Variants in VWC2L observed in about 807,000 individuals in gnomAD.
The protein encoded by VWC2L is von Willebrand factor C domain containing 2 like.
VWC2L carries 10 observed loss-of-function variants against 21.6 expected under a neutral mutation model. The observed-to-expected ratio is 0.46, with a 90% CI of 0.29 to 0.78. The LOEUF is 0.78. VWC2L is among the 30% of genes least tolerant of loss of function. The pLI is 0.10. For synonymous variants in VWC2L, 96 were observed against 94.3 expected, an observed-to-expected ratio of 1.02 and a Z score of -0.10; for missense variants, 209 against 277.1, an observed-to-expected ratio of 0.75 and a Z score of 1.74.
chr2:214,515,239 G>A (rs375896888), intron 3 of VWC2L, among the ~76,000 whole-genome samples: 1 of 152,138 alleles, frequency 6.6e-6, no homozygotes, highest in African/African-American at 2.4e-5. Context: ...GAACAACCTC[G>A]AACATCCCTG....
chr2:214,437,410 T>A (rs1005130935), intron 3 of VWC2L, among the ~76,000 whole-genome samples: 2 of 152,078 alleles, frequency 1.3e-5, no homozygotes, highest in Admixed American at 6.6e-5. Flanking sequence ...AATATCCTAA[T>A]CACCCAAAAT....
intron 3 of VWC2L, among the ~76,000 whole-genome samples, chr2:214,464,135 T>A (rs1574578975): frequency 6.6e-6 from 1 of 152,288 alleles, no homozygotes; most frequent in Non-Finnish European, 1.5e-5. Context: ...TCTTTATCAC[T>A]CTGAGATTGG....
At chr2:214,509,902 C>A (rs1689027618) in intron 3 of VWC2L, among the ~76,000 whole-genome samples, 1 of 152,064 alleles carries the variant, frequency 6.6e-6, no homozygotes. Context: ...TTGAAGGAAA[C>A]AAACAAGTTT....
chr2:214,460,080 G>C, intron 3 of VWC2L, among the ~76,000 whole-genome samples: 2 of 151,704 alleles, frequency 1.3e-5, no homozygotes, highest in Middle Eastern at 6.9e-3. Flanking sequence ...GCTAATTTTT[G>C]TATTTTTAGT....
chr2:214,459,966 G>GGT (rs1375139623), intron 3 of VWC2L, among the ~76,000 whole-genome samples: 1 of 125,842 alleles, frequency 7.9e-6, no homozygotes, highest in Non-Finnish European at 1.5e-5. Context: ...GGAGTGCAAT[G>GGT]GTGTGATCTC....
chr2:214,435,051 G>A (rs551814066), intron 2 of VWC2L, among the ~76,000 whole-genome samples: 1 of 152,294 alleles, frequency 6.6e-6, no homozygotes, highest in South Asian at 2.1e-4. Context: ...ATTAACCAAG[G>A]AAAGGGGAAA....
In VWC2L at chr2:214,442,126, G is replaced by A. The variant is rs539901983; in HGVS notation, c.520+5368G>A. On this transcript the variant is annotated intron_variant, in intron 3 of 3. Transcript: ENST00000312504. ...GGGGTTTCACTGTGTTGGCCAGACT[G>A]GTCTCGAACTCCTGACATTGTGATC... Among the ~76,000 whole-genome samples, 280 of 152,122 alleles carry A rather than the reference G, an allele frequency of 1.8e-3. 2 individuals are homozygous for A. Among genetic ancestry groups the A allele is most frequent in the African/African-American group, 6.6e-3 (273 of 41,528 alleles).
chr2:214,528,930 T>A (rs1689387566), intron 3 of VWC2L, among the ~76,000 whole-genome samples: 1 of 152,190 alleles, frequency 6.6e-6, no homozygotes, highest in Non-Finnish European at 1.5e-5. Context: ...CTATTTCACT[T>A]CCACTATATG....
At chr2:214,456,704 G>A (rs1456631357) in intron 3 of VWC2L, among the ~76,000 whole-genome samples, 20 of 152,046 alleles carry the variant, frequency 1.3e-4, no homozygotes, top group Admixed American at 1.3e-3. Flanking sequence ...TAGTTTTATA[G>A]TTTGGGGTCT....
At chr2:214,522,332 G>A (rs1314604426) in intron 3 of VWC2L, among the ~76,000 whole-genome samples, 7 of 135,814 alleles carry the variant, frequency 5.2e-5, no homozygotes, top group Non-Finnish European at 9.1e-5. Flanking sequence ...CCGAGATCGC[G>A]CCACTGCACT....
chr2:214,525,075 A>G (rs1483930993), intron 3 of VWC2L: 1 of 72,438 alleles, frequency 1.4e-5, no homozygotes, highest in African/African-American at 3.2e-5. Context: ...ACACACACAC[A>G]CACATACACT....
At chr2:214,424,359 A>G (rs1702490982) in intron 2 of VWC2L, among the ~76,000 whole-genome samples, 1 of 152,150 alleles carries the variant, frequency 6.6e-6, no homozygotes, top group African/African-American at 2.4e-5. Context: ...AGACTACTTG[A>G]GCATACTGAA....
At chr2:214,546,494 T>C (rs1345167349) in intron 3 of VWC2L, among the ~76,000 whole-genome samples, 2 of 152,178 alleles carry the variant, frequency 1.3e-5, no homozygotes, top group Non-Finnish European at 1.5e-5. Flanking sequence ...ATATTGCACT[T>C]CTATGCAGCA....
rs956876777 is a variant in VWC2L, at chr2:214,540,249, C to T, written c.521-35423C>T. On this transcript the variant is annotated intron_variant, in intron 3 of 3. Coordinates refer to ENST00000312504, the MANE Select transcript of VWC2L (RefSeq NM_001080500.4). ...ACCATTAAAAATATTTAACTTTTAT[C>T]GAGTATTTTATGGAATCTTCATGTG... Among the ~76,000 whole-genome samples, 19 of 152,056 alleles carry T rather than the reference C, an allele frequency of 1.2e-4. 1 individual carries two copies. Among genetic ancestry groups the T allele is most frequent in the African/African-American group, 4.1e-4 (17 of 41,418 alleles).
At chr2:214,559,966 A>G (rs1689940697) in intron 3 of VWC2L, among the ~76,000 whole-genome samples, 1 of 152,324 alleles carries the variant, frequency 6.6e-6, no homozygotes, top group Admixed American at 6.5e-5. Flanking sequence ...TGTTGAAGTT[A>G]TATTTCCAGT....
intron 3 of VWC2L, among the ~76,000 whole-genome samples, chr2:214,515,270 C>G (rs1417779188): frequency 6.6e-6 from 1 of 152,174 alleles, no homozygotes; most frequent in Non-Finnish European, 1.5e-5. Flanking sequence ...TGAGAAATCT[C>G]AAAGGCCACA....
chr2:214,560,308 T>A (rs979554286), intron 3 of VWC2L, among the ~76,000 whole-genome samples: 3 of 152,314 alleles, frequency 2.0e-5, no homozygotes, highest in African/African-American at 7.2e-5. Context: ...TTATAAGGCA[T>A]TTTGTGTCTT....
At chr2:214,457,443 G>A (rs1703073392) in intron 3 of VWC2L, among the ~76,000 whole-genome samples, 1 of 152,090 alleles carries the variant, frequency 6.6e-6, no homozygotes, top group South Asian at 2.1e-4. Context: ...TGCAAAGAGT[G>A]GTAATTTGAC....
chr2:214,433,747 G>A (rs1226424959), intron 2 of VWC2L, among the ~76,000 whole-genome samples: 2 of 152,156 alleles, frequency 1.3e-5, no homozygotes, highest in Admixed American at 6.6e-5. Context: ...TACAAATGCA[G>A]GGGCAGGCAG....
Sources: gnomAD v4.1 joint callset for allele counts (sites outside exome capture counted in the v4.1 genomes callset) on GRCh38, gnomAD v4.1.1 for gene constraint, MANE v1.5 for transcripts, NCBI Gene and HGNC (gene_info 2026-07-23, HGNC 2026-07-21) for gene names.